PIM2: variants seen among roughly 807,000 people sequenced by gnomAD.
PIM2 encodes the protein serine/threonine-protein kinase pim-2.
A neutral mutation model predicts 18.0 loss-of-function variants in PIM2; 3 were observed. That is an observed-to-expected ratio of 0.17 (90% CI 0.08 to 0.43). The LOEUF is 0.43. Among genes scored for constraint, PIM2 ranks in the 20% least tolerant of loss-of-function variants. The probability of loss-of-function intolerance (pLI) is 0.99; values close to 1 mark genes in which losing one functional copy is unlikely to be tolerated. For missense variants in PIM2, 181 were observed against 260.8 expected (o/e 0.69, Z 2.11); for synonymous variants, 117 against 105.3 (o/e 1.11, Z -0.68).
intron 4 of PIM2, 55 bp from the exon 5 acceptor site, chrX:48,914,626 C>A: frequency 9.6e-7 from 1 of 1,046,382 alleles, no homozygotes; most frequent in Non-Finnish European, 1.3e-6. Context: ...CTTCTCCAAC[C>A]CCAAACTCTC....
intron 4 of PIM2, 141 bp downstream of exon 4, chrX:48,914,879 G>A (rs1166554461): frequency 1.6e-5 from 9 of 567,801 alleles, no homozygotes; most frequent in Non-Finnish European, 2.5e-5. Context: ...GCAAGGCTGA[G>A]AATCCCCAGT....
chrX:48,914,668 A>C (rs908375408), intron 4 of PIM2, 97 bp from the exon 5 acceptor site: 2 of 749,652 alleles, frequency 2.7e-6, no homozygotes, highest in Non-Finnish European at 3.8e-6. Context: ...AATTAAGAGC[A>C]CTCAAGATAA....
Position 48,915,052 on chromosome X carries a change from A to C in PIM2, c.563T>G (p.Leu188Arg). ...GTCAGTGTAGGGTTCATCATGAAGC[A>C]GGGCACCAGAACCAAAATCAATGAG... is the stretch of plus-strand genomic sequence containing the variant. ...AKLIDFGSGA[L>R]LHDEPYTDFD... The change falls in exon 4 of 6, where the codon CTG becomes CGG. Residue 188 changes from leucine (L) to arginine (R), a missense_variant. Physicochemically the swap from Leu to Arg is moderately radical, Grantham distance 102. Around this residue, in one of 5 missense-constraint regions of PIM2, gnomAD observed 26 missense variants for 31.1 expected, o/e 0.84. Transcript: ENST00000376509. The C allele has an allele frequency of 2.5e-6, 3 of 1,208,461 alleles. No individual in the cohort carries two copies. The highest frequency in any genetic ancestry group is 3.4e-6 in the Non-Finnish European group (3 of 892,681).
chrX:48,918,871 G>A lies in PIM2; in HGVS notation c.-37C>T. On this transcript the variant is annotated 5_prime_UTR_variant, in exon 1 of 6. Transcript: ENST00000376509. The stretch of plus-strand genomic sequence containing the variant: ...TGCGCAGATTGAGCCCACTGAACCC[G>A]CTAAGCCCGCAGGGCGTGGACGCCC... 8.7e-7 allele frequency: 1 copy of A among 1,150,092 alleles called. No individual in the cohort carries two copies. Among genetic ancestry groups the A allele is most frequent in the Non-Finnish European group, 1.2e-6 (1 of 854,409 alleles). 94.8% of individuals were successfully genotyped at this position (1,150,092 alleles called of 1,213,427 possible).
intron 3 of PIM2, among the ~76,000 whole-genome samples, chrX:48,917,448 GT>G (rs1557045370): frequency 8.8e-6 from 1 of 113,323 alleles, no homozygotes; most frequent in African/African-American, 3.2e-5. Flanking sequence ...CCGCCCTGAT[GT>G]CCGTTAGCGT....
intron 4 of PIM2, 156 bp from the exon 5 acceptor site, chrX:48,914,727 C>T (rs2063558343): frequency 2.0e-6 from 1 of 490,374 alleles, no homozygotes; most frequent in South Asian, 3.7e-5. Context: ...AACAGAGTCC[C>T]CTCAACAGAA....
rs1366487817 is a variant in PIM2, at chrX:48,915,762, C to T, written c.223-370G>A. On this transcript the variant is annotated intron_variant, in intron 3 of 5. Coordinates refer to ENST00000376509, the MANE Select transcript of PIM2 (RefSeq NM_006875.4). Reference sequence around the variant, plus strand: ...ATCAGCCTGGGCAAAATGGCACAAACACAAAAATTAGCCAGGCTTGGTGGC... The same window carrying T: ...ATCAGCCTGGGCAAAATGGCACAAATACAAAAATTAGCCAGGCTTGGTGGC... 3 of 147,981 alleles carry T rather than the reference C, an allele frequency of 2.0e-5. No individual in the cohort carries two copies. In the South Asian group the frequency reaches 4.9e-4, roughly 24 times the overall value. The allele number at this position is 147,981 out of a possible 1,213,427, so 12.2% of individuals were successfully genotyped here.
Position 48,914,550 on chromosome X carries a change from G to C in PIM2, c.617C>G (p.Pro206Arg). 1 of 1,209,447 alleles carries C rather than the reference G, an allele frequency of 8.3e-7. No individual in the cohort carries two copies. Among genetic ancestry groups the C allele is most frequent in the Non-Finnish European group, 1.1e-6 (1 of 894,455 alleles). The change falls in exon 5 of 6, where the codon CCA becomes CGA. Residue 206 changes from proline (P) to arginine (R), a missense_variant. Physicochemically the swap from Pro to Arg is moderately radical, Grantham distance 103 (BLOSUM62 -2). Around this residue, in one of 5 missense-constraint regions of PIM2, gnomAD observed 26 missense variants for 31.1 expected, o/e 0.84. Coordinates refer to ENST00000376509, the MANE Select transcript of PIM2 (RefSeq NM_006875.4). ...DFDGTRVYSP[P>R]EWISRHQYHA... ...GTACTGGTGTCGAGAGATCCACTCT[G>C]GGGGGCTGTACACCCTTGTCCCTGC...
Position 48,918,861 on chromosome X carries a change from C to T in PIM2, c.-27G>A, listed in dbSNP as rs1557045615. 8.5e-7 allele frequency: 1 copy of T among 1,177,280 alleles called. No individual in the cohort carries two copies. Among genetic ancestry groups the T allele is most frequent in the Admixed American group, 2.4e-5 (1 of 41,284 alleles). On this transcript the variant is annotated 5_prime_UTR_variant, in exon 1 of 6. Coordinates refer to ENST00000376509, the MANE Select transcript of PIM2 (RefSeq NM_006875.4). ...GAGGTGGCGCTGCGCAGATTGAGCC[C>T]ACTGAACCCGCTAAGCCCGCAGGGC...
chrX:48,914,769 AC>A, intron 4 of PIM2, 198 bp from the exon 5 acceptor site: 2 of 463,995 alleles, frequency 4.3e-6, no homozygotes, highest in Non-Finnish European at 7.3e-6. Context: ...GGATCCCCTT[AC>A]CAGAGAAAGA....
At position 48,915,362 on chromosome X, in the gene PIM2, C is replaced by A. The variant is rs1053790793; in HGVS notation, c.253G>T (p.Ala85Ser). Residue 85 changes from alanine (A) to serine (S), a missense_variant, in exon 4 of 6, where the codon GCA (alanine) becomes TCA (serine). Coordinates refer to ENST00000376509, the MANE Select transcript of PIM2 (RefSeq NM_006875.4). ...CCTGCACCCACTTTCCATAGCAGTG[C>A]GACTTCGAGTGGGCATGTGACTGAG... is the stretch of plus-strand genomic sequence containing the variant. ...SDSVTCPLEV[A>S]LLWKVGAGGG... is the part of the protein sequence containing the mutation. 25 of 1,204,506 alleles carry A rather than the reference C, an allele frequency of 2.1e-5. No individual in the cohort carries two copies. The highest frequency in any genetic ancestry group is 2.6e-5 in the Non-Finnish European group (23 of 891,623).
intron 2 of PIM2, 64 bp from the exon 3 acceptor site, chrX:48,917,895 C>T (rs1320904833): frequency 9.3e-6 from 8 of 863,672 alleles, no homozygotes; most frequent in African/African-American, 6.1e-5. Flanking sequence ...CAGTCTAGAC[C>T]TTCTGCCTAC....
intron 2 of PIM2, 92 bp from the exon 3 acceptor site, chrX:48,917,923 C>G: frequency 1.5e-6 from 1 of 678,454 alleles, no homozygotes; most frequent in Admixed American, 2.7e-5. Context: ...ATTCCTCCAT[C>G]TACCAGCACT....
Position 48,917,707 on chromosome X carries a change from C to T in PIM2, c.222+74G>A, listed in dbSNP as rs1557045398. The T allele has an allele frequency of 5.0e-6, 4 of 805,522 alleles. No homozygotes were observed. In the Admixed American group the frequency reaches 1.0e-4, roughly 20 times the overall value. 66.4% of individuals were successfully genotyped at this position (805,522 alleles called of 1,213,427 possible). A position where few individuals can be genotyped will look rare whatever the true frequency, so the allele number is the denominator to read the frequency against. On this transcript the variant is annotated intron_variant, in intron 3 of 5. Transcript: ENST00000376509. ...TTACAGGGCCCAGGGAGTCATACAT[C>T]CCCTGGAAAAGCAAGGAGGTGAATA...
Position 48,914,106 on chromosome X carries a change from G to GGGGCC in PIM2, c.*20_*24dup. 1 of 974,658 alleles carries GGGGCC rather than the reference G, an allele frequency of 1.0e-6. No individual in the cohort carries two copies. 80.3% of individuals were successfully genotyped at this position (974,658 alleles called of 1,213,427 possible). ...CATGGGATGGCTCTTCTGACCATTG[G>GGGGCC]GGGCCAGGCCAGGCCAGGCCAGGCT... On this transcript the variant is annotated 3_prime_UTR_variant, in exon 6 of 6. Coordinates refer to ENST00000376509, the MANE Select transcript of PIM2 (RefSeq NM_006875.4).
At position 48,918,843 on chromosome X, in the gene PIM2, C is replaced by T; in HGVS notation, c.-9G>A. ...AGAGGCTTGGTCAACATGGAGGTGG[C>T]GCTGCGCAGATTGAGCCCACTGAAC... On this transcript the variant is annotated 5_prime_UTR_variant, in exon 1 of 6. Coordinates refer to ENST00000376509, the MANE Select transcript of PIM2 (RefSeq NM_006875.4). The T allele has an allele frequency of 8.4e-7, 1 of 1,193,099 alleles. No individual in the cohort carries two copies. The highest frequency in any genetic ancestry group is 1.1e-6 in the Non-Finnish European group (1 of 888,568).
In PIM2 at chrX:48,914,053, A is replaced by G; in HGVS notation, c.*78T>C. 1.7e-6 allele frequency: 1 copy of G among 603,502 alleles called. No individual in the cohort carries two copies. Among genetic ancestry groups the G allele is most frequent in the Non-Finnish European group, 2.5e-6 (1 of 392,529 alleles). The allele number at this position is 603,502 out of a possible 1,213,427, so 49.7% of individuals were successfully genotyped here. On this transcript the variant is annotated 3_prime_UTR_variant, in exon 6 of 6. Coordinates refer to ENST00000376509, the MANE Select transcript of PIM2 (RefSeq NM_006875.4). Reference sequence around the variant, plus strand: ...TAATGACCTGTAAAACCAAGTCAACAAATGTCCATCTATCCCTGTGACATG... The same window carrying G: ...TAATGACCTGTAAAACCAAGTCAACGAATGTCCATCTATCCCTGTGACATG...
At chrX:48,918,508 ACC>A in intron 2 of PIM2, 26 bp downstream of exon 2, 1 of 1,083,665 alleles carries the variant, frequency 9.2e-7, no homozygotes, top group Non-Finnish European at 1.3e-6. Context: ...CACGCACCTG[ACC>A]CTCCCAAGAC....
At chrX:48,916,483 G>A (rs1013563680) in intron 3 of PIM2, among the ~76,000 whole-genome samples, 2 of 109,663 alleles carry the variant, frequency 1.8e-5, no homozygotes, top group African/African-American at 3.3e-5. Context: ...AGGCCGAGAC[G>A]GGCAGATCAC....
Sources: allele counts gnomAD v4.1 joint callset (sites outside exome capture counted in the v4.1 genomes callset), GRCh38; gene constraint gnomAD v4.1.1; regional missense constraint gnomAD v4.1.1; transcripts MANE v1.5; gene names NCBI Gene and HGNC (gene_info 2026-07-23, HGNC 2026-07-21).